DAZAP1: variants seen among roughly 807,000 people sequenced by gnomAD.
The protein encoded by DAZAP1 is DAZ associated protein 1, also known as DAZ-associated protein 1.
A neutral mutation model predicts 60.1 loss-of-function variants in DAZAP1; 6 were observed. That is an observed-to-expected ratio of 0.10 (90% confidence interval 0.05 to 0.20). The LOEUF (loss-of-function observed/expected upper bound fraction) is 0.20, where lower values mean the gene tolerates loss of function less well. DAZAP1 is among the 10% of genes least tolerant of loss of function. The pLI is 1.00. For missense variants in DAZAP1, 366 were observed against 560.4 expected (o/e 0.65, Z 3.50); for synonymous variants, 235 against 215.9 (o/e 1.09, Z -0.78).
chr19:1,433,019 G>A lies in DAZAP1; in HGVS notation c.1048+329G>A, dbSNP rs961803583. 1 of 287,544 alleles carries A rather than the reference G, an allele frequency of 3.5e-6. No homozygotes were observed. 17.8% of individuals were successfully genotyped at this position (287,544 alleles called of 1,614,324 possible). A position where few individuals can be genotyped will look rare whatever the true frequency, so the allele number is the denominator to read the frequency against. On this transcript the variant is annotated intron_variant, in intron 11 of 11. Transcript: ENST00000233078. This position sits in a 1 kb window ranked among gnomAD's most constrained non-coding sequence, Gnocchi z 6.1. ...TCACTGTCTAGAGGTTCAGGCCCTCGGTGTGGGTCCCGGGTGCACTGGCCC... is the reference window on the plus strand; with the variant it reads ...TCACTGTCTAGAGGTTCAGGCCCTCAGTGTGGGTCCCGGGTGCACTGGCCC...
In DAZAP1 at chr19:1,430,270, C is replaced by CCCCCGTAA; in HGVS notation, c.779_780insCCCCGTAA (p.Phe262ValfsTer76). On this transcript the variant is annotated frameshift_variant, in exon 10 of 12. Coordinates refer to ENST00000233078, the MANE Select transcript of DAZAP1 (RefSeq NM_018959.4). LOFTEE classifies it high-confidence loss of function. Reference sequence around the variant, plus strand: ...GGAAGAGGAGCCCCCCCGCCACCCCCACCGTTCACCTCCTACATCGTGTCC... The same window carrying CCCCCGTAA: ...GGAAGAGGAGCCCCCCCGCCACCCCCCCCCGTAAACCGTTCACCTCCTACATCGTGTCC... 8.8e-6 allele frequency: 12 copies of CCCCCGTAA among 1,368,624 alleles called. No individual in the cohort carries two copies. The highest frequency in any genetic ancestry group is 2.6e-5 in the South Asian group (2 of 77,744). 84.8% of individuals were successfully genotyped at this position (1,368,624 alleles called of 1,614,324 possible). A position where few individuals can be genotyped will look rare whatever the true frequency, so the allele number is the denominator to read the frequency against.
At chr19:1,410,291 TGTG>T (rs1344783516) in intron 1 of DAZAP1, among the ~76,000 whole-genome samples, 1 of 151,812 alleles carries the variant, frequency 6.6e-6, no homozygotes, top group Admixed American at 6.6e-5. Context: ...AGCGCATACG[TGTG>T]GTGGGGTGTG....
Position 1,426,034 on chromosome 19 carries a change from G to T in DAZAP1, c.546+74G>T. 1.8e-6 allele frequency: 2 copies of T among 1,087,594 alleles called. No homozygotes were observed. Among genetic ancestry groups the T allele is most frequent in the South Asian group, 2.5e-5 (2 of 80,282 alleles). 67.4% of individuals were successfully genotyped at this position (1,087,594 alleles called of 1,614,324 possible). A position where few individuals can be genotyped will look rare whatever the true frequency, so the allele number is the denominator to read the frequency against. ...GCAACTTAGGGGTTTCACTGGAAAG[G>T]AACATTCCTTCACGGAAAGGGTCGG... On this transcript the variant is annotated intron_variant, in intron 7 of 11. Coordinates refer to ENST00000233078, the MANE Select transcript of DAZAP1 (RefSeq NM_018959.4). The surrounding 1 kb of genome is among the most constrained non-coding windows in gnomAD (Gnocchi z 5.4).
rs765829789 is a variant in DAZAP1 at position 1,429,039 on chromosome 19, G to A, written c.700+44G>A. The A allele has an allele frequency of 1.5e-5, 23 of 1,531,644 alleles. No homozygotes were observed. The South Asian group carries it at 1.9e-4, about 13-fold the overall frequency. The allele number at this position is 1,531,644 out of a possible 1,614,324, so 94.9% of individuals were successfully genotyped here. A position where few individuals can be genotyped will look rare whatever the true frequency, so the allele number is the denominator to read the frequency against. ...TGCCCACGGGAATGTCCCCCTTCTC[G>A]GACTTGGCCCGCGCGCCCTGGGCTG... On this transcript the variant is annotated intron_variant, in intron 8 of 11. Coordinates refer to ENST00000233078, the MANE Select transcript of DAZAP1 (RefSeq NM_018959.4).
intron 1 of DAZAP1, among the ~76,000 whole-genome samples, chr19:1,415,234 G>C (rs2082942188): frequency 6.6e-6 from 1 of 151,928 alleles, no homozygotes. Context: ...GGGGGTGGAG[G>C]GGGTACTGGG....
At position 1,430,370 on chromosome 19, in the gene DAZAP1, T is replaced by C; in HGVS notation, c.871+8T>C. 1 of 1,486,588 alleles carries C rather than the reference T, an allele frequency of 6.7e-7. No individual in the cohort carries two copies. The highest frequency in any genetic ancestry group is 1.4e-5 in the South Asian group (1 of 70,764). 92.1% of individuals were successfully genotyped at this position (1,486,588 alleles called of 1,614,324 possible). A position where few individuals can be genotyped will look rare whatever the true frequency, so the allele number is the denominator to read the frequency against. The stretch of plus-strand genomic sequence containing the variant: ...GTGCCCCGCCACAGTTCAGTAAGTC[T>C]AGGGGGCCTTGTGGGAGGGCCTCCC... On this transcript the variant is annotated splice_region_variant and intron_variant, in intron 10 of 11. Coordinates refer to ENST00000233078, the MANE Select transcript of DAZAP1 (RefSeq NM_018959.4).
At chr19:1,421,689 G>A (rs1000916123) in intron 5 of DAZAP1, among the ~76,000 whole-genome samples, 1 of 152,254 alleles carries the variant, frequency 6.6e-6, no homozygotes, top group African/African-American at 2.4e-5. Context: ...GCCGGAGGGG[G>A]CCGGCGGGGA....
chr19:1,417,258 G>A (rs1252510544), intron 1 of DAZAP1: 11 of 561,614 alleles, frequency 2.0e-5, no homozygotes, highest in Non-Finnish European at 3.1e-5. Flanking sequence ...CATGAGGTCA[G>A]CGTGCGGCTC....
chr19:1,415,468 G>T (rs1025953955), intron 1 of DAZAP1, among the ~76,000 whole-genome samples: 1 of 148,308 alleles, frequency 6.7e-6, no homozygotes, highest in Non-Finnish European at 1.5e-5. Flanking sequence ...TTTTCCGGTC[G>T]GTTCCAGCCA....
In DAZAP1 at chr19:1,430,316, C is replaced by A. The variant is rs770132190; in HGVS notation, c.825C>A (p.Pro275=). The A allele has an allele frequency of 2.6e-6, 4 of 1,567,626 alleles. No individual in the cohort carries two copies. Among genetic ancestry groups the A allele is most frequent in the Non-Finnish European group, 2.6e-6 (3 of 1,159,246 alleles). Residue 275 remains proline (P), a synonymous_variant, in exon 10 of 12, where the codon CCC becomes CCA. Transcript: ENST00000233078. ...YIVSTPPGGF[P]PPQGFPQGYG... The stretch of plus-strand genomic sequence containing the variant: ...TGTCCACCCCTCCTGGAGGCTTTCC[C>A]CCTCCCCAGGGCTTCCCTCAGGGCT...
chr19:1,431,203 A>C (rs1448555362), intron 10 of DAZAP1, among the ~76,000 whole-genome samples: 2 of 150,466 alleles, frequency 1.3e-5, no homozygotes, highest in African/African-American at 2.5e-5. Context: ...ATCTCGGCTT[A>C]CTGCAAGCTC....
chr19:1,432,982 A>G lies in DAZAP1; in HGVS notation c.1048+292A>G. 2.4e-6 allele frequency: 1 copy of G among 409,276 alleles called. No individual in the cohort carries two copies. The highest frequency in any genetic ancestry group is 2.0e-5 in the African/African-American group (1 of 48,830). The allele number at this position is 409,276 out of a possible 1,614,324, so 25.4% of individuals were successfully genotyped here. ...GACTGGGTCGAGGGAAGTGAGTCGC[A>G]GGCAGCTGTGATCACTGTCTAGAGG... On this transcript the variant is annotated intron_variant, in intron 11 of 11. Transcript: ENST00000233078. The surrounding 1 kb of genome is among the most constrained non-coding windows in gnomAD (Gnocchi z 4.9).
In DAZAP1 at chr19:1,418,105, CTGG is replaced by C; in HGVS notation, c.71-95_71-93del. ...CAGTGCAGCATCGCTCGGTGCGTGG[CTGG>C]TGGACTGGAGGAGTGTGCGTGCCGG... On this transcript the variant is annotated intron_variant, in intron 2 of 11. Transcript: ENST00000233078. This position sits in a 1 kb window ranked among gnomAD's most constrained non-coding sequence, Gnocchi z 5.7. 2 of 1,276,646 alleles carry C rather than the reference CTGG, an allele frequency of 1.6e-6. No individual in the cohort carries two copies. Among genetic ancestry groups the C allele is most frequent in the Non-Finnish European group, 2.2e-6 (2 of 894,650 alleles). 79.1% of individuals were successfully genotyped at this position (1,276,646 alleles called of 1,614,324 possible).
chr19:1,420,582 G>T (rs2083127689), intron 4 of DAZAP1, among the ~76,000 whole-genome samples: 2 of 152,106 alleles, frequency 1.3e-5, no homozygotes, highest in Non-Finnish European at 2.9e-5. Flanking sequence ...TCCTGGCTCT[G>T]GCCACCCAGT....
intron 8 of DAZAP1, among the ~76,000 whole-genome samples, chr19:1,429,217 G>A (rs534927785): frequency 1.3e-5 from 2 of 152,376 alleles, no homozygotes; most frequent in South Asian, 4.1e-4. Flanking sequence ...TTAGGTGCCC[G>A]TCCGGGGCCT....
In DAZAP1 at chr19:1,426,078, C is replaced by A; in HGVS notation, c.546+118C>A. 1.3e-6 allele frequency: 1 copy of A among 788,464 alleles called. No homozygotes were observed. Among genetic ancestry groups the A allele is most frequent in the Non-Finnish European group, 2.2e-6 (1 of 445,114 alleles). The allele number at this position is 788,464 out of a possible 1,614,324, so 48.8% of individuals were successfully genotyped here. On this transcript the variant is annotated intron_variant, in intron 7 of 11. Transcript: ENST00000233078. This position sits in a 1 kb window ranked among gnomAD's most constrained non-coding sequence, Gnocchi z 5.4. Reference sequence around the variant, plus strand: ...GGGTCGGGCGAGTTCGTCCTGTGAACCTTTGCTGCGTGAGGTGGGCCTGGG... The same window carrying A: ...GGGTCGGGCGAGTTCGTCCTGTGAAACTTTGCTGCGTGAGGTGGGCCTGGG...
rs762090292 is a variant in DAZAP1 at position 1,430,236 on chromosome 19, C to T, written c.745C>T (p.Pro249Ser). ...GTGTGTTTCAGGTGGCTATGGACCG[C>T]CCCCTGCAGGAAGAGGAGCCCCCCC... ...AGQAIGGYGP[P>S]PAGRGAPPPP... The change falls in exon 10 of 12, where the codon CCC becomes TCC. Residue 249 changes from proline to serine, a missense_variant. Physicochemically the swap from Pro to Ser is moderately conservative, Grantham distance 74. Coordinates refer to ENST00000233078, the MANE Select transcript of DAZAP1 (RefSeq NM_018959.4). 6 of 1,573,796 alleles carry T rather than the reference C, an allele frequency of 3.8e-6. No individual in the cohort carries two copies. The highest frequency in any genetic ancestry group is 1.4e-5 in the African/African-American group (1 of 73,546).
At chr19:1,414,038 T>C (rs2082905155) in intron 1 of DAZAP1, among the ~76,000 whole-genome samples, 1 of 149,146 alleles carries the variant, frequency 6.7e-6, no homozygotes, top group Admixed American at 6.7e-5. Context: ...TGTGTTTAGA[T>C]GGACCCTCAC....
At chr19:1,417,289 A>G (rs1375384691) in intron 1 of DAZAP1, 3 of 623,228 alleles carry the variant, frequency 4.8e-6, no homozygotes, top group Non-Finnish European at 8.4e-6. Context: ...TCCTCTCCCC[A>G]TGGCAAGGAT....
Sources: allele counts gnomAD v4.1 joint callset (sites outside exome capture counted in the v4.1 genomes callset), GRCh38; gene constraint gnomAD v4.1.1; non-coding constraint Gnocchi (gnomAD v3.1); transcripts MANE v1.5; gene names NCBI Gene and HGNC (gene_info 2026-07-23, HGNC 2026-07-21).